The following PPARGC1A variants were observed in gnomAD, a reference collection of about 807,000 sequenced individuals.
PPARGC1A encodes PPARG coactivator 1 alpha.
Under a neutral mutation model 88.7 loss-of-function variants are expected in PPARGC1A, and 25 were observed. That is an observed-to-expected ratio of 0.28 (90% confidence interval 0.21 to 0.39). PPARGC1A has a LOEUF of 0.39. Among genes scored for constraint, PPARGC1A ranks in the 10% least tolerant of loss-of-function variants. PPARGC1A has a pLI of 1.00. For synonymous variants in PPARGC1A, 363 were observed against 355.6 expected (o/e 1.02, Z -0.24); for missense variants, 880 against 968.7 (o/e 0.91, Z 1.22).
chr4:23,842,791 C>T (rs760048476), intron 2 of PPARGC1A, among the ~76,000 whole-genome samples: 4 of 152,022 alleles, frequency 2.6e-5, no homozygotes, highest in African/African-American at 4.8e-5. Flanking sequence ...GCAACCCAGG[C>T]GATTCTGATA....
At chr4:23,858,956 T>C (rs1209674117) in intron 2 of PPARGC1A, among the ~76,000 whole-genome samples, 1 of 149,252 alleles carries the variant, frequency 6.7e-6, no homozygotes. Context: ...TTTATATTTA[T>C]ATTTTGTAGA....
the PPARGC1A span, among the ~76,000 whole-genome samples, chr4:24,448,660 C>T: frequency 6.6e-6 from 1 of 152,138 alleles, no homozygotes; most frequent in Non-Finnish European, 1.5e-5. Flanking sequence ...GGAGTTGCTT[C>T]CCACCTGGCC....
At chr4:24,438,067 C>T in the PPARGC1A span, among the ~76,000 whole-genome samples, 5 of 152,088 alleles carry the variant, frequency 3.3e-5, no homozygotes, top group Admixed American at 6.5e-5. Context: ...ACAGATCCAG[C>T]AAGAGGACAC....
the PPARGC1A span, among the ~76,000 whole-genome samples, chr4:24,096,673 T>C: frequency 6.6e-6 from 1 of 152,218 alleles, no homozygotes; most frequent in Non-Finnish European, 1.5e-5. Flanking sequence ...AGTGTGGGCC[T>C]GCAGTCATGC....
the PPARGC1A span, among the ~76,000 whole-genome samples, chr4:23,930,640 A>C: frequency 6.6e-6 from 1 of 152,240 alleles, no homozygotes; most frequent in Non-Finnish European, 1.5e-5. Flanking sequence ...TTGTTGCCAG[A>C]GGCTGTTCAA....
chr4:23,986,362 A>T, the PPARGC1A span, among the ~76,000 whole-genome samples: 1 of 152,078 alleles, frequency 6.6e-6, no homozygotes, highest in Non-Finnish European at 1.5e-5. Context: ...TAACATTTTG[A>T]CTCAGGTTCT....
Position 23,812,759 on chromosome 4 carries a change from C to G in PPARGC1A, c.2007G>C (p.Arg669Ser), listed in dbSNP as rs762396882. The G allele has an allele frequency of 6.2e-7, 1 of 1,613,970 alleles. No homozygotes were observed. The highest frequency in any genetic ancestry group is 8.5e-7 in the Non-Finnish European group (1 of 1,179,948). Residue 669 changes from arginine (R) to serine (S), a missense_variant, in exon 10 of 13, where the codon AGG becomes AGC. Coordinates refer to ENST00000264867, the MANE Select transcript of PPARGC1A (RefSeq NM_013261.5). ...CCAGGCCACTTACAATTGCCTTCTG[C>G]CTCTGCCTCTCCCTTTGCTTGGCCC... ...SERAKQRERQ[R>S]QKAIEERRVI...
At chr4:23,990,689 C>CAT in the PPARGC1A span, among the ~76,000 whole-genome samples, 87,290 of 151,472 alleles carry the variant, frequency 0.58, 25,525 homozygotes, top group East Asian at 0.79. Context: ...GCCATCCTGA[C>CAT]GTGGGGTTTC....
chr4:24,284,519 A>C, the PPARGC1A span, among the ~76,000 whole-genome samples: 1 of 152,156 alleles, frequency 6.6e-6, no homozygotes, highest in Non-Finnish European at 1.5e-5. Context: ...TGAAGGGAAA[A>C]GGGCTTCAAA....
chr4:23,843,776 A>T (rs1727483016), intron 2 of PPARGC1A, among the ~76,000 whole-genome samples: 1 of 152,042 alleles, frequency 6.6e-6, no homozygotes, highest in Non-Finnish European at 1.5e-5. Flanking sequence ...GCTAGAGTTA[A>T]CAGGCATGGT....
chr4:23,833,748 G>A (rs1277312331), intron 2 of PPARGC1A, among the ~76,000 whole-genome samples: 1 of 152,114 alleles, frequency 6.6e-6, no homozygotes, highest in Non-Finnish European at 1.5e-5. Flanking sequence ...GATTCAAGAG[G>A]CCAAAAAGAG....
intron 5 of PPARGC1A, among the ~76,000 whole-genome samples, chr4:23,824,729 A>C (rs1046200350): frequency 6.6e-6 from 1 of 152,124 alleles, no homozygotes; most frequent in African/African-American, 2.4e-5. Flanking sequence ...ACATATGAAA[A>C]TAGAATTTTT....
At chr4:24,109,127 T>C in the PPARGC1A span, among the ~76,000 whole-genome samples, 2,776 of 151,514 alleles carry the variant, frequency 0.018, 83 homozygotes, top group African/African-American at 0.058. Context: ...TACCCTAGGC[T>C]GAAATTGATT....
upstream of PPARGC1A, among the ~76,000 whole-genome samples, chr4:23,900,209 C>T (rs1719159160): frequency 6.6e-6 from 1 of 152,192 alleles, no homozygotes; most frequent in South Asian, 2.1e-4. Context: ...ATATTCTCTG[C>T]ATTTATTTCT....
chr4:24,461,746 C>T, the PPARGC1A span, among the ~76,000 whole-genome samples: 15 of 152,210 alleles, frequency 9.9e-5, no homozygotes, highest in East Asian at 1.9e-4. Context: ...AAAAAACTCT[C>T]GGCAGGTATT....
the PPARGC1A span, among the ~76,000 whole-genome samples, chr4:24,448,968 G>C: frequency 6.6e-6 from 1 of 152,124 alleles, no homozygotes; most frequent in South Asian, 2.1e-4. Flanking sequence ...CCTGTTACAA[G>C]ATTATAGTTC....
At chr4:23,940,124 G>C in the PPARGC1A span, among the ~76,000 whole-genome samples, 2 of 151,976 alleles carry the variant, frequency 1.3e-5, no homozygotes, top group African/African-American at 4.8e-5. Flanking sequence ...AACCAGTCTG[G>C]GTCTTCCTTC....
the PPARGC1A span, among the ~76,000 whole-genome samples, chr4:24,339,112 C>T: frequency 2.9e-4 from 44 of 151,482 alleles, no homozygotes; most frequent in African/African-American, 1.0e-3. Context: ...TGACTAGGTC[C>T]CTCATGTAAG....
At chr4:23,863,259 G>C (rs535775052) in intron 2 of PPARGC1A, among the ~76,000 whole-genome samples, 4 of 152,204 alleles carry the variant, frequency 2.6e-5, no homozygotes, top group Admixed American at 2.6e-4. Context: ...CAGGCCCCTG[G>C]TTGCAAGCTC....
Sources: gnomAD v4.1 joint callset for allele counts (sites outside exome capture counted in the v4.1 genomes callset) on GRCh38, gnomAD v4.1.1 for gene constraint, MANE v1.5 for transcripts, NCBI Gene and HGNC (gene_info 2026-07-23, HGNC 2026-07-21) for gene names.